The following TOM1L1 variants were observed in gnomAD, a reference collection of about 807,000 sequenced individuals.
TOM1L1 encodes the protein target of myb1 like 1 membrane trafficking protein, also known as TOM1-like protein 1.
TOM1L1 carries 64 observed loss-of-function variants against 63.4 expected under a neutral mutation model. The ratio of observed to expected loss-of-function variants is 1.01; its 90% CI spans 0.83 to 1.24. TOM1L1 has a LOEUF of 1.24. Ranked by LOEUF, TOM1L1 falls within the 50% of genes most tolerant of loss-of-function variation. The pLI, the probability that TOM1L1 is intolerant of heterozygous loss-of-function variation, is 0.00. For synonymous variants in TOM1L1, 166 were observed against 194.4 expected, an observed-to-expected ratio of 0.85 and a Z score of 1.22; for missense variants, 536 against 567.0, an observed-to-expected ratio of 0.95 and a Z score of 0.55.
At chr17:54,918,369 C>A (rs2048626527) in intron 7 of TOM1L1, among the ~76,000 whole-genome samples, 1 of 152,198 alleles carries the variant, frequency 6.6e-6, no homozygotes, top group South Asian at 2.1e-4. Context: ...CTCAGATATT[C>A]CTCTTAAGGA....
intron 7 of TOM1L1, among the ~76,000 whole-genome samples, chr17:54,924,099 G>A (rs527323992): frequency 2.0e-5 from 3 of 151,508 alleles, no homozygotes; most frequent in Non-Finnish European, 4.4e-5. Flanking sequence ...CTCTAGTCTG[G>A]CCACAGAGCC....
At chr17:54,932,250 G>T (rs187669779) in intron 8 of TOM1L1, among the ~76,000 whole-genome samples, 2 of 152,098 alleles carry the variant, frequency 1.3e-5, no homozygotes, top group African/African-American at 4.8e-5. Context: ...TGAGAGGGTC[G>T]TGATTGATTG....
Position 54,947,302 on chromosome 17 carries a change from C to T in TOM1L1, c.1172C>T (p.Ala391Val). The T allele has an allele frequency of 6.2e-7, 1 of 1,614,140 alleles. No homozygotes were observed. The highest frequency in any genetic ancestry group is 1.1e-5 in the South Asian group (1 of 91,084). The change falls in exon 12 of 16, where the codon GCA becomes GTA. Residue 391 changes from alanine to valine, a missense_variant. Ala to Val is a moderately conservative substitution (Grantham distance 64, BLOSUM62 0). Transcript: ENST00000575882. ...RTSQNLTSSH[A>V]YDNFLEHSNS... is the part of the protein sequence containing the mutation. ...AGCCAAAACCTCACCTCAAGCCACG[C>T]ATATGATAATGTAAGTAACAAAACT...
At position 54,913,779 on chromosome 17, in the gene TOM1L1, A is replaced by T; in HGVS notation, c.404A>T (p.Asp135Val). 1 of 1,608,968 alleles carries T rather than the reference A, an allele frequency of 6.2e-7. No individual in the cohort carries two copies. ...TWSQGFPGGV[D>V]VSEVKEVYLD... ...TCACAGGGCTTCCCAGGAGGTGTGG[A>T]TGTAAGCGAAGTCAAAGAAGTATAC... Residue 135 changes from aspartate to valine, a missense_variant, in exon 5 of 16, where the codon GAT (aspartate) becomes GTT (valine). Physicochemically the swap from Asp to Val is radical, Grantham distance 152. Coordinates refer to ENST00000575882, the MANE Select transcript of TOM1L1 (RefSeq NM_005486.3).
At chr17:54,926,132 C>T (rs544132917) in intron 7 of TOM1L1, among the ~76,000 whole-genome samples, 6 of 152,192 alleles carry the variant, frequency 3.9e-5, no homozygotes, top group Non-Finnish European at 8.8e-5. Context: ...GGGTCTTGCT[C>T]TTTGTTAGAC....
At chr17:54,948,674 T>A (rs2049160109) in intron 12 of TOM1L1, among the ~76,000 whole-genome samples, 1 of 152,252 alleles carries the variant, frequency 6.6e-6, no homozygotes. Flanking sequence ...GTTGATTGTC[T>A]GAGTCATGAG....
At chr17:54,943,089 T>A (rs1026807691) in intron 11 of TOM1L1, among the ~76,000 whole-genome samples, 55 of 152,208 alleles carry the variant, frequency 3.6e-4, no homozygotes, top group Non-Finnish European at 5.9e-4. Flanking sequence ...TGTCCTGATG[T>A]TGATTTTGAT....
intron 7 of TOM1L1, among the ~76,000 whole-genome samples, chr17:54,924,792 T>C (rs1220841123): frequency 1.3e-5 from 2 of 152,226 alleles, no homozygotes; most frequent in Non-Finnish European, 2.9e-5. Flanking sequence ...CCCTGGATTT[T>C]ATGTGACTTA....
At chr17:54,923,746 A>T (rs958244120) in intron 7 of TOM1L1, among the ~76,000 whole-genome samples, 11 of 151,870 alleles carry the variant, frequency 7.2e-5, no homozygotes, top group Admixed American at 7.2e-4. Flanking sequence ...GGGTTTCACC[A>T]TGTTGGCCAG....
intron 11 of TOM1L1, among the ~76,000 whole-genome samples, chr17:54,946,904 G>A (rs769404224): frequency 3.3e-5 from 5 of 152,152 alleles, no homozygotes; most frequent in African/African-American, 4.8e-5. Context: ...AGTGCAGTAC[G>A]TTTGCTCCGC....
intron 14 of TOM1L1, chr17:54,954,253 T>C (rs1598071374): frequency 6.6e-6 from 1 of 152,356 alleles, no homozygotes; most frequent in East Asian, 1.9e-4. Flanking sequence ...TAGGGTTATG[T>C]GTGGAGAATA....
chr17:54,907,502 A>G (rs2048431221), intron 3 of TOM1L1, among the ~76,000 whole-genome samples: 1 of 152,208 alleles, frequency 6.6e-6, no homozygotes, highest in Non-Finnish European at 1.5e-5. Flanking sequence ...CTCTTAAAAG[A>G]GTAGGCTACT....
At chr17:54,901,789 C>T (rs2048331600) in intron 1 of TOM1L1, among the ~76,000 whole-genome samples, 1 of 152,076 alleles carries the variant, frequency 6.6e-6, no homozygotes, top group Non-Finnish European at 1.5e-5. Context: ...GATCACAGCT[C>T]TACTAACTGC....
Position 54,939,030 on chromosome 17 carries a change from T to A in TOM1L1, c.1130+10T>A. 1.3e-6 allele frequency: 2 copies of A among 1,514,278 alleles called. No homozygotes were observed. Among genetic ancestry groups the A allele is most frequent in the Non-Finnish European group, 1.8e-6 (2 of 1,093,938 alleles). 93.8% of individuals were successfully genotyped at this position (1,514,278 alleles called of 1,614,324 possible). A position where few individuals can be genotyped will look rare whatever the true frequency, so the allele number is the denominator to read the frequency against. ...ATACAGAGATACCCCCGTAAGTATG[T>A]CAGTAACACTGCAGAACTAATATCA... is the stretch of plus-strand genomic sequence containing the variant. On this transcript the variant is annotated intron_variant, in intron 11 of 15. Coordinates refer to ENST00000575882, the MANE Select transcript of TOM1L1 (RefSeq NM_005486.3).
chr17:54,901,141 T>G (rs1299644367), intron 1 of TOM1L1: 1 of 633,932 alleles, frequency 1.6e-6, no homozygotes, highest in Non-Finnish European at 2.7e-6. Flanking sequence ...CTCAAAAATG[T>G]ACCTTCCTTT....
chr17:54,940,624 G>C (rs1441889470), intron 11 of TOM1L1, among the ~76,000 whole-genome samples: 2 of 152,250 alleles, frequency 1.3e-5, no homozygotes, highest in African/African-American at 2.4e-5. Flanking sequence ...ACATATTACT[G>C]TCTAGCTGGG....
At chr17:54,943,205 G>C (rs939703650) in intron 11 of TOM1L1, among the ~76,000 whole-genome samples, 2 of 152,066 alleles carry the variant, frequency 1.3e-5, no homozygotes, top group Non-Finnish European at 1.5e-5. Context: ...GAGTTTCTTA[G>C]AAATAGCCTA....
At chr17:54,916,640 A>G (rs1021084302) in intron 7 of TOM1L1, 4 of 152,210 alleles carry the variant, frequency 2.6e-5, no homozygotes, top group Admixed American at 1.3e-4. Context: ...TACTTTTCTC[A>G]GATTCCCACT....
chr17:54,902,878 T>C (rs1264675175), intron 1 of TOM1L1, among the ~76,000 whole-genome samples: 4 of 152,224 alleles, frequency 2.6e-5, no homozygotes, highest in Non-Finnish European at 5.9e-5. Context: ...AGAAGCATTC[T>C]GGTCAGCCTG....
Sources: gnomAD v4.1 joint callset for allele counts (sites outside exome capture counted in the v4.1 genomes callset) on GRCh38, gnomAD v4.1.1 for gene constraint, MANE v1.5 for transcripts, NCBI Gene and HGNC (gene_info 2026-07-23, HGNC 2026-07-21) for gene names.